MYT1L: variants seen among roughly 807,000 people sequenced by gnomAD.
MYT1L encodes myelin transcription factor 1-like protein.
A neutral mutation model predicts 126.7 loss-of-function variants in MYT1L; 12 were observed. The ratio of observed to expected loss-of-function variants is 0.09; its 90% CI spans 0.06 to 0.15. The LOEUF is 0.15. MYT1L is among the 10% of genes least tolerant of loss of function. The pLI, the probability that MYT1L is intolerant of heterozygous loss-of-function variation, is 1.00. For synonymous variants in MYT1L, 541 were observed against 604.2 expected, an observed-to-expected ratio of 0.90 and a Z score of 1.53; for missense variants, 979 against 1,585.2, an observed-to-expected ratio of 0.62 and a Z score of 6.49.
At chr2:2,217,147 C>G (rs1017733787) in intron 2 of MYT1L, among the ~76,000 whole-genome samples, 2 of 152,104 alleles carry the variant, frequency 1.3e-5, no homozygotes, top group African/African-American at 4.8e-5. Flanking sequence ...GAAAGAAATA[C>G]TTGTCAACTC....
intron 19 of MYT1L, among the ~76,000 whole-genome samples, chr2:1,849,604 G>A (rs925825327): frequency 6.6e-6 from 1 of 152,228 alleles, no homozygotes. Flanking sequence ...CAGGGGTGCC[G>A]CACAGGTCCC....
intron 1 of MYT1L, chr2:2,324,422 T>G (rs906975314): frequency 6.6e-6 from 1 of 152,558 alleles, no homozygotes; most frequent in Non-Finnish European, 1.5e-5. Flanking sequence ...CCAATCAACT[T>G]TCCACTGCAC....
At chr2:1,895,245 T>C (rs1036025771) in intron 14 of MYT1L, among the ~76,000 whole-genome samples, 1 of 152,186 alleles carries the variant, frequency 6.6e-6, no homozygotes, top group African/African-American at 2.4e-5. Context: ...TGTTCATGAA[T>C]TGGAAGAATC....
chr2:1,951,906 C>A (rs1303813303), intron 8 of MYT1L, among the ~76,000 whole-genome samples: 2 of 152,180 alleles, frequency 1.3e-5, no homozygotes, highest in Non-Finnish European at 2.9e-5. Flanking sequence ...AAAAAGATGT[C>A]AGAAATAGTT....
At chr2:2,138,252 G>T (rs1455639622) in intron 3 of MYT1L, among the ~76,000 whole-genome samples, 234 of 148,912 alleles carry the variant, frequency 1.6e-3, no homozygotes, top group African/African-American at 5.2e-3. Context: ...GGTGGGACTG[G>T]AAACTAGTTC....
rs144285325 is a variant in MYT1L, at chr2:2,048,192, C to T, written c.-158+5786G>A. Among the ~76,000 whole-genome samples, 1,159 of 151,260 alleles carry T rather than the reference C, an allele frequency of 7.7e-3. 16 individuals carry two copies. Among genetic ancestry groups the T allele is most frequent in the African/African-American group, 0.027 (1,113 of 40,556 alleles). ...CCATTAGTACCAGTAATCTGAGGAACCACTTTAGCCCACTCCACGGTCTTC... is the reference window on the plus strand; with the variant it reads ...CCATTAGTACCAGTAATCTGAGGAATCACTTTAGCCCACTCCACGGTCTTC... On this transcript the variant is annotated intron_variant, in intron 4 of 24. Transcript: ENST00000647738.
At chr2:1,833,054 G>C (rs140979431) in intron 21 of MYT1L, among the ~76,000 whole-genome samples, 6 of 152,202 alleles carry the variant, frequency 3.9e-5, no homozygotes, top group African/African-American at 1.4e-4. Context: ...GGCGGCTTAG[G>C]GGGAGGGTGA....
Position 2,033,016 on chromosome 2 carries a change from T to C in MYT1L, c.-158+20962A>G, listed in dbSNP as rs113124959. Reference sequence around the variant, plus strand: ...CACCCCCTCGCCAGTGCCTCTCATCTTGTGGCCCAGAGCAGATTCTAGAAG... The same window carrying C: ...CACCCCCTCGCCAGTGCCTCTCATCCTGTGGCCCAGAGCAGATTCTAGAAG... On this transcript the variant is annotated intron_variant, in intron 4 of 24. Transcript: ENST00000647738. 4.9e-3 allele frequency among the ~76,000 whole-genome samples: 397 copies of C among 80,302 alleles called. 1 individual carries two copies. The highest frequency in any genetic ancestry group is 6.8e-3 in the African/African-American group (139 of 20,404). The allele number at this position is 80,302 out of a possible 152,430, so 52.7% of individuals were successfully genotyped here.
At chr2:2,131,575 A>C (rs902753641) in intron 3 of MYT1L, among the ~76,000 whole-genome samples, 2 of 152,264 alleles carry the variant, frequency 1.3e-5, no homozygotes, top group African/African-American at 4.8e-5. Flanking sequence ...TTAGTAACTA[A>C]ATGAGAGGTT....
chr2:1,874,353 G>GA (rs1285039347), intron 18 of MYT1L, among the ~76,000 whole-genome samples: 1 of 152,106 alleles, frequency 6.6e-6, no homozygotes, highest in Non-Finnish European at 1.5e-5. Context: ...GTAACAGGGG[G>GA]AAAAGTGCTG....
chr2:2,305,057 T>C (rs1254842357), intron 1 of MYT1L, among the ~76,000 whole-genome samples: 1 of 152,232 alleles, frequency 6.6e-6, no homozygotes, highest in African/African-American at 2.4e-5. Flanking sequence ...TATTATTTAC[T>C]ATATTGGGCT....
At chr2:2,003,724 C>T (rs765144971) in intron 4 of MYT1L, among the ~76,000 whole-genome samples, 96 of 152,132 alleles carry the variant, frequency 6.3e-4, no homozygotes, top group Non-Finnish European at 1.2e-3. Flanking sequence ...TTAGGGCTGC[C>T]GAGCCTCCTC....
chr2:1,839,773 A>G (rs990443816), intron 20 of MYT1L, among the ~76,000 whole-genome samples: 9 of 152,242 alleles, frequency 5.9e-5, no homozygotes, highest in African/African-American at 2.2e-4. Flanking sequence ...TCGTGGCATT[A>G]TTTTTAAAGA....
chr2:2,287,187 C>A (rs2095533772), intron 1 of MYT1L, among the ~76,000 whole-genome samples: 1 of 151,956 alleles, frequency 6.6e-6, no homozygotes, highest in South Asian at 2.1e-4. Context: ...ACCTGGGAGG[C>A]AGAGGTTGCG....
chr2:1,809,513 A>G (rs1464949079), intron 21 of MYT1L, among the ~76,000 whole-genome samples: 1 of 152,140 alleles, frequency 6.6e-6, no homozygotes, highest in Non-Finnish European at 1.5e-5. Flanking sequence ...GAGTGATAAT[A>G]TTGCTTAAAA....
intron 4 of MYT1L, among the ~76,000 whole-genome samples, chr2:2,039,476 A>T (rs1185243827): frequency 1.3e-5 from 2 of 152,212 alleles, no homozygotes; most frequent in African/African-American, 4.8e-5. Context: ...TAAATTAGTA[A>T]ATTAGTCAGA....
chr2:1,952,668 C>T (rs2057868382), intron 8 of MYT1L, among the ~76,000 whole-genome samples: 1 of 146,766 alleles, frequency 6.8e-6, no homozygotes, highest in African/African-American at 2.5e-5. Flanking sequence ...GCCATCAGCA[C>T]CAACAATGCT....
intron 2 of MYT1L, among the ~76,000 whole-genome samples, chr2:2,253,628 A>T (rs116809566): frequency 4.5e-4 from 69 of 152,288 alleles, no homozygotes; most frequent in Admixed American, 7.8e-4. Flanking sequence ...GAGGAGAAAA[A>T]ACTCCCAGTT....
chr2:2,036,536 C>A (rs533562508), intron 4 of MYT1L, among the ~76,000 whole-genome samples: 1 of 152,338 alleles, frequency 6.6e-6, no homozygotes, highest in Non-Finnish European at 1.5e-5. Context: ...CTTTTCCAGG[C>A]AATAGAATCC....
Sources: gnomAD v4.1 joint callset for allele counts (sites outside exome capture counted in the v4.1 genomes callset) on GRCh38, gnomAD v4.1.1 for gene constraint, MANE v1.5 for transcripts, NCBI Gene and HGNC (gene_info 2026-07-23, HGNC 2026-07-21) for gene names.